Variants in RABGAP1L observed in about 807,000 individuals in gnomAD.
RABGAP1L encodes the protein RAB GTPase activating protein 1 like.
RABGAP1L carries 63 observed loss-of-function variants against 137.7 expected under a neutral mutation model. That is an observed-to-expected ratio of 0.46 (90% confidence interval 0.37 to 0.56). The LOEUF (loss-of-function observed/expected upper bound fraction) is 0.56. Ranked by LOEUF, RABGAP1L falls within the 20% of genes least tolerant of loss-of-function variation. The pLI, the probability that RABGAP1L is intolerant of heterozygous loss-of-function variation, is 0.00. For missense variants in RABGAP1L, 1,095 were observed against 1,244.0 expected (o/e 0.88, Z 1.80); for synonymous variants, 431 against 433.7 (o/e 0.99, Z 0.08).
intron 1 of RABGAP1L, among the ~76,000 whole-genome samples, chr1:174,215,444 C>T (rs1669218053): frequency 7.0e-6 from 1 of 143,606 alleles, no homozygotes; most frequent in South Asian, 2.2e-4. Flanking sequence ...GCGACAAGAG[C>T]GAAACTCCAT....
intron 10 of RABGAP1L, among the ~76,000 whole-genome samples, chr1:174,292,263 C>A (rs1298156928): frequency 6.8e-6 from 1 of 148,054 alleles, no homozygotes; most frequent in Non-Finnish European, 1.5e-5. Context: ...ATTGCTCAAG[C>A]AGTTCTCCTG....
chr1:174,758,382 C>T (rs530425465), intron 18 of RABGAP1L, among the ~76,000 whole-genome samples: 1 of 151,944 alleles, frequency 6.6e-6, no homozygotes, highest in Admixed American at 6.6e-5. Context: ...TTATTCATTC[C>T]CCTGGTTTCA....
intron 13 of RABGAP1L, among the ~76,000 whole-genome samples, chr1:174,418,740 C>T (rs1650901246): frequency 6.6e-6 from 1 of 152,010 alleles, no homozygotes; most frequent in Non-Finnish European, 1.5e-5. Flanking sequence ...TGTGTAGTGT[C>T]TAAATTTTAG....
At chr1:174,637,612 A>G in intron 14 of RABGAP1L, 124 bp downstream of exon 14, 3 of 705,412 alleles carry the variant, frequency 4.3e-6, no homozygotes, top group Non-Finnish European at 4.9e-6. Flanking sequence ...TCTGCTTTGC[A>G]CACACGCTAT....
At chr1:174,883,715 A>C (rs1461452564) in intron 19 of RABGAP1L, among the ~76,000 whole-genome samples, 3 of 152,194 alleles carry the variant, frequency 2.0e-5, no homozygotes, top group Non-Finnish European at 4.4e-5. Flanking sequence ...CCAAGGAAAA[A>C]AATTGTAAAG....
intron 13 of RABGAP1L, among the ~76,000 whole-genome samples, chr1:174,586,493 G>A (rs546032877): frequency 6.6e-6 from 1 of 151,596 alleles, no homozygotes; most frequent in Non-Finnish European, 1.5e-5. Context: ...CATGACACAC[G>A]TTTACCTATG....
At chr1:174,371,109 T>A in intron 12 of RABGAP1L, 37 bp downstream of exon 12, 1 of 1,164,088 alleles carries the variant, frequency 8.6e-7, no homozygotes, top group Non-Finnish European at 1.2e-6. Flanking sequence ...ATTCTATATT[T>A]ACATAGTTGA....
chr1:174,787,077 A>G (rs906160074), intron 18 of RABGAP1L, among the ~76,000 whole-genome samples: 7 of 152,190 alleles, frequency 4.6e-5, no homozygotes, highest in Non-Finnish European at 1.0e-4. Flanking sequence ...ATGCAAAGGC[A>G]GAGGAGGGAA....
intron 19 of RABGAP1L, among the ~76,000 whole-genome samples, chr1:174,948,285 C>T (rs1667183151): frequency 6.6e-6 from 1 of 151,984 alleles, no homozygotes; most frequent in African/African-American, 2.4e-5. Context: ...CTTTGGGAGG[C>T]TGAGGAGGTC....
Position 174,500,617 on chromosome 1 carries a change from G to A in RABGAP1L, c.1710+106472G>A, listed in dbSNP as rs994244656. The stretch of plus-strand genomic sequence containing the variant: ...ATAAGTATTATAGAAGTAGGGTATA[G>A]TAAATACAGTTAAACGAAAACAAAG... On this transcript the variant is annotated intron_variant, in intron 13 of 25. Transcript: ENST00000681986. Among the ~76,000 whole-genome samples, 3 of 152,268 alleles carry A rather than the reference G, an allele frequency of 2.0e-5. No individual in the cohort carries two copies. The East Asian group carries it at 5.8e-4, about 29-fold the overall frequency.
chr1:174,826,092 A>G (rs540286106), intron 19 of RABGAP1L, among the ~76,000 whole-genome samples: 4 of 152,190 alleles, frequency 2.6e-5, no homozygotes, highest in Admixed American at 2.0e-4. Context: ...TCCCATCTCT[A>G]TGTCCAGGTG....
chr1:174,909,219 A>G (rs1053396208), intron 19 of RABGAP1L, among the ~76,000 whole-genome samples: 1 of 151,880 alleles, frequency 6.6e-6, no homozygotes, highest in East Asian at 1.9e-4. Flanking sequence ...AATTTTTTAA[A>G]AGGTTTTTTT....
intron 18 of RABGAP1L, among the ~76,000 whole-genome samples, chr1:174,800,774 T>C (rs1420128425): frequency 6.6e-6 from 1 of 152,222 alleles, no homozygotes; most frequent in Non-Finnish European, 1.5e-5. Flanking sequence ...AATGGTTTTC[T>C]GCCTGGCTAG....
intron 20 of RABGAP1L, among the ~76,000 whole-genome samples, chr1:174,958,928 C>G (rs747869572): frequency 3.3e-5 from 5 of 152,198 alleles, no homozygotes; most frequent in Non-Finnish European, 5.9e-5. Context: ...ATGTTAAGGA[C>G]TCAGCTCATA....
chr1:174,541,673 G>T (rs1665450398), intron 13 of RABGAP1L, among the ~76,000 whole-genome samples: 1 of 152,110 alleles, frequency 6.6e-6, no homozygotes, highest in Non-Finnish European at 1.5e-5. Flanking sequence ...CTACTCTGGA[G>T]GCTGAGGCAG....
chr1:174,621,303 C>T (rs1349099167), intron 13 of RABGAP1L, among the ~76,000 whole-genome samples: 2 of 152,164 alleles, frequency 1.3e-5, no homozygotes, highest in Non-Finnish European at 2.9e-5. Context: ...GATTCAATGC[C>T]ATCCCCATCA....
chr1:174,385,424 A>G (rs141621604), intron 12 of RABGAP1L, among the ~76,000 whole-genome samples: 3 of 152,366 alleles, frequency 2.0e-5, no homozygotes, highest in Non-Finnish European at 4.4e-5. Flanking sequence ...GACTATGTCC[A>G]TTAATCAATT....
chr1:174,939,010 G>A (rs533257134), intron 19 of RABGAP1L, among the ~76,000 whole-genome samples: 1 of 152,112 alleles, frequency 6.6e-6, no homozygotes, highest in Non-Finnish European at 1.5e-5. Context: ...TAATCTTAGG[G>A]TCTTTCCTTT....
chr1:174,674,501 G>A (rs1470048533), intron 14 of RABGAP1L, among the ~76,000 whole-genome samples: 1 of 150,850 alleles, frequency 6.6e-6, no homozygotes, highest in Non-Finnish European at 1.5e-5. Context: ...TGGACATTTG[G>A]GTTGGTTCCA....
Sources: allele counts gnomAD v4.1 joint callset (sites outside exome capture counted in the v4.1 genomes callset), GRCh38; gene constraint gnomAD v4.1.1; transcripts MANE v1.5; gene names NCBI Gene and HGNC (gene_info 2026-07-23, HGNC 2026-07-21).